ATP7A: variants seen among roughly 807,000 people sequenced by gnomAD.
The protein encoded by ATP7A is ATPase copper transporting alpha.
Under a neutral mutation model 83.5 loss-of-function variants are expected in ATP7A, and 7 were observed. That is an observed-to-expected ratio of 0.08 (90% CI 0.05 to 0.16). The LOEUF (loss-of-function observed/expected upper bound fraction) is 0.16, where lower values mean the gene tolerates loss of function less well. Ranked by LOEUF, ATP7A falls within the 10% of genes least tolerant of loss-of-function variation. The probability of loss-of-function intolerance (pLI) is 1.00; values close to 1 mark genes in which losing one functional copy is unlikely to be tolerated. For missense variants in ATP7A, 940 were observed against 1,120.8 expected (o/e 0.84, Z 2.30); for synonymous variants, 354 against 395.2 (o/e 0.90, Z 1.24).
In ATP7A at chrX:77,989,935, T is replaced by C. The variant is rs377651753; in HGVS notation, c.1313T>C (p.Met438Thr). The C allele has an allele frequency of 3.3e-6, 4 of 1,209,550 alleles. No individual in the cohort carries two copies. The highest frequency in any genetic ancestry group is 4.5e-6 in the Non-Finnish European group (4 of 894,848). ...ACGTTGAGAGGAGCAATAGAAGACATGGGATTTGATGCTACCTTGTCAGGT... is the reference window on the plus strand; with the variant it reads ...ACGTTGAGAGGAGCAATAGAAGACACGGGATTTGATGCTACCTTGTCAGGT... ...PETLRGAIEDMGFDATLSDTN... is the reference protein window; with the variant it reads ...PETLRGAIEDTGFDATLSDTN... The change falls in exon 4 of 23, where the codon ATG (methionine) becomes ACG (threonine). Residue 438 changes from methionine (M) to threonine (T), a missense_variant. Coordinates refer to ENST00000341514, the MANE Select transcript of ATP7A (RefSeq NM_000052.7).
chrX:77,976,688 A>G (rs976216503), intron 2 of ATP7A, among the ~76,000 whole-genome samples: 1 of 112,151 alleles, frequency 8.9e-6, no homozygotes. Flanking sequence ...TACTATTTGT[A>G]TGAGGGAAAA....
At chrX:77,974,755 T>C (rs782186873) in intron 2 of ATP7A, 8 of 295,825 alleles carry the variant, frequency 2.7e-5, no homozygotes, top group African/African-American at 1.9e-4. Flanking sequence ...TCTGTTAAGA[T>C]GGTGAATTAC....
intron 1 of ATP7A, among the ~76,000 whole-genome samples, chrX:77,930,381 G>A (rs1195466190): frequency 8.9e-6 from 1 of 111,779 alleles, no homozygotes; most frequent in Non-Finnish European, 1.9e-5. Context: ...TGCATACTGC[G>A]TGGTCAGCCC....
chrX:77,941,013 G>A (rs781879690), intron 1 of ATP7A, among the ~76,000 whole-genome samples: 1 of 111,859 alleles, frequency 8.9e-6, no homozygotes, highest in Admixed American at 9.5e-5. Context: ...TTTAGAACAT[G>A]TGGAAAAATA....
chrX:77,975,302 A>G (rs782468376), intron 2 of ATP7A, among the ~76,000 whole-genome samples: 11 of 109,294 alleles, frequency 1.0e-4, no homozygotes, highest in Non-Finnish European at 2.1e-4. Context: ...TGTAGTGTAT[A>G]TAATTTCAGT....
At chrX:78,030,110 T>C (rs1444408970) in intron 15 of ATP7A, among the ~76,000 whole-genome samples, 1 of 112,174 alleles carries the variant, frequency 8.9e-6, no homozygotes, top group Non-Finnish European at 1.9e-5. Context: ...ATTTTAAACT[T>C]TGATATAATT....
Position 78,046,899 on chromosome X carries a change from A to AG in ATP7A, c.*331dup, listed in dbSNP as rs2078086973. 7 of 196,794 alleles carry AG rather than the reference A, an allele frequency of 3.6e-5. No homozygotes were observed. The highest frequency in any genetic ancestry group is 2.1e-4 in the African/African-American group (7 of 32,565). The allele number at this position is 196,794 out of a possible 1,213,427, so 16.2% of individuals were successfully genotyped here. A position where few individuals can be genotyped will look rare whatever the true frequency, so the allele number is the denominator to read the frequency against. On this transcript the variant is annotated 3_prime_UTR_variant, in exon 23 of 23. Coordinates refer to ENST00000341514, the MANE Select transcript of ATP7A (RefSeq NM_000052.7). The stretch of plus-strand genomic sequence containing the variant: ...TTTTTTTATTTGACCAAAAAAAAAA[A>AG]GGCCCAAGAAGAAGAAAATGAAAAA...
intron 19 of ATP7A, 105 bp downstream of exon 19, chrX:78,040,838 G>A: frequency 1.0e-6 from 1 of 998,465 alleles, no homozygotes; most frequent in Non-Finnish European, 1.4e-6. Context: ...CATTATCACT[G>A]AGTAGTCCTA....
At chrX:78,043,455 ACT>A (rs782569251) in intron 21 of ATP7A, 21 bp downstream of exon 21, 1 of 1,112,189 alleles carries the variant, frequency 9.0e-7, no homozygotes, top group Admixed American at 2.2e-5. Flanking sequence ...CTTAACTAGT[ACT>A]GCTTTTTCCA....
At chrX:78,034,510 A>C (rs1283335746) in intron 17 of ATP7A, among the ~76,000 whole-genome samples, 2 of 111,198 alleles carry the variant, frequency 1.8e-5, no homozygotes, top group Non-Finnish European at 3.8e-5. Context: ...CTTACTCCAC[A>C]GTCATGCCTC....
At chrX:77,962,509 G>A (rs979190918) in intron 1 of ATP7A, 14 of 246,768 alleles carry the variant, frequency 5.7e-5, no homozygotes, top group African/African-American at 1.4e-4. Flanking sequence ...TGTTTAAGAC[G>A]CCAAGAACCT....
rs782588862 is a variant in ATP7A at position 78,038,869 on chromosome X, T to C, written c.3545T>C (p.Ile1182Thr). The C allele has an allele frequency of 3.3e-6, 4 of 1,210,432 alleles. No individual in the cohort carries two copies. The highest frequency in any genetic ancestry group is 1.8e-5 in the South Asian group (1 of 56,967). Reference sequence around the variant, plus strand: ...AATGCTCAGCAGTATAAAGTCCTCATTGGTAACCGGGAGTGGATGATTAGA... The same window carrying C: ...AATGCTCAGCAGTATAAAGTCCTCACTGGTAACCGGGAGTGGATGATTAGA... ...ALNAQQYKVL[I>T]GNREWMIRNG... Residue 1182 changes from isoleucine (I) to threonine (T), a missense_variant, in exon 18 of 23, where the codon ATT becomes ACT. Coordinates refer to ENST00000341514, the MANE Select transcript of ATP7A (RefSeq NM_000052.7).
intron 19 of ATP7A, 43 bp from the exon 20 acceptor site, chrX:78,042,542 C>T (rs1300119867): frequency 1.7e-6 from 2 of 1,154,326 alleles, no homozygotes; most frequent in Non-Finnish European, 2.4e-6. Flanking sequence ...GTTTCACGTA[C>T]TCATTATTTT....
At chrX:77,916,549 T>C (rs138656188) in intron 1 of ATP7A, among the ~76,000 whole-genome samples, 1,188 of 110,433 alleles carry the variant, frequency 0.011, 5 homozygotes, top group Non-Finnish European at 0.018. Context: ...AATCTGCTTC[T>C]GTAATTAGTG....
chrX:78,043,170 T>G (rs2078060839), intron 20 of ATP7A, 147 bp from the exon 21 acceptor site: 2 of 554,902 alleles, frequency 3.6e-6, no homozygotes, highest in Non-Finnish European at 5.9e-6. Context: ...GGAAGCTGAG[T>G]CTAAGTTTTA....
intron 18 of ATP7A, 114 bp from the exon 19 acceptor site, chrX:78,040,477 G>A (rs1681212055): frequency 2.1e-6 from 2 of 953,138 alleles, no homozygotes; most frequent in Admixed American, 4.7e-5. Context: ...GTTAAGCCAT[G>A]CCCTGAACAA....
chrX:77,915,825 A>T (rs1418948573), intron 1 of ATP7A, among the ~76,000 whole-genome samples: 1 of 111,735 alleles, frequency 8.9e-6, no homozygotes, highest in African/African-American at 3.2e-5. Flanking sequence ...GGTTCAAGCG[A>T]TTCTCATGCC....
chrX:77,939,094 G>A (rs2077336444), intron 1 of ATP7A, among the ~76,000 whole-genome samples: 2 of 111,305 alleles, frequency 1.8e-5, no homozygotes, highest in Non-Finnish European at 3.8e-5. Context: ...CCAGGAGTTC[G>A]AGATCAGCCT....
intron 15 of ATP7A, 88 bp from the exon 16 acceptor site, chrX:78,031,312 C>T: frequency 1.1e-6 from 1 of 912,092 alleles, no homozygotes; most frequent in Admixed American, 2.3e-5. Context: ...ACTAAATAGT[C>T]ATCTCTTTGT....
Sources: gnomAD v4.1 joint callset for allele counts (sites outside exome capture counted in the v4.1 genomes callset) on GRCh38, gnomAD v4.1.1 for gene constraint, MANE v1.5 for transcripts, NCBI Gene and HGNC (gene_info 2026-07-23, HGNC 2026-07-21) for gene names.